The following ATF7IP variants were observed in gnomAD, a reference collection of about 807,000 sequenced individuals.
The protein encoded by ATF7IP is activating transcription factor 7-interacting protein 1.
A neutral mutation model predicts 106.4 loss-of-function variants in ATF7IP; 23 were observed. The observed-to-expected ratio is 0.22, with a 90% CI of 0.16 to 0.31. ATF7IP has a LOEUF of 0.31. Ranked by LOEUF, ATF7IP falls within the 10% of genes least tolerant of loss-of-function variation. ATF7IP has a pLI of 1.00. For missense variants in ATF7IP, 1,334 were observed against 1,524.3 expected (o/e 0.88, Z 2.08); for synonymous variants, 542 against 539.0 (o/e 1.01, Z -0.08).
rs1945127190 is a variant in ATF7IP, at chr12:14,500,271, T to TCAG, written c.*2199_*2201dup. The TCAG allele has an allele frequency of 1.3e-5, 2 of 152,228 alleles. No individual in the cohort carries two copies. Among genetic ancestry groups the TCAG allele is most frequent in the Non-Finnish European group, 2.9e-5 (2 of 68,038 alleles). 9.4% of individuals were successfully genotyped at this position (152,228 alleles called of 1,614,324 possible). On this transcript the variant is annotated 3_prime_UTR_variant, in exon 15 of 15. Transcript: ENST00000261168. Reference sequence around the variant, plus strand: ...AAACTCTTTAGAGACTTTTGACTGGTCAGTATACTGAGGTGTGAGATTTGA... The same window carrying TCAG: ...AAACTCTTTAGAGACTTTTGACTGGTCAGCAGTATACTGAGGTGTGAGATTTGA...
chr12:14,383,023 A>G (rs948552395), intron 1 of ATF7IP, among the ~76,000 whole-genome samples: 4 of 152,350 alleles, frequency 2.6e-5, no homozygotes, highest in African/African-American at 9.6e-5. Flanking sequence ...TATCTGAATA[A>G]CAGCCTAATT....
chr12:14,425,541 CATA>C, intron 2 of ATF7IP, 68 bp downstream of exon 2: 3 of 1,381,880 alleles, frequency 2.2e-6, no homozygotes, highest in East Asian at 2.4e-5. Flanking sequence ...AAAACATTAT[CATA>C]ATGTTTTAAA....
chr12:14,476,411 C>CAAA (rs10603374), intron 11 of ATF7IP: 1 of 65,080 alleles, frequency 1.5e-5, no homozygotes, highest in African/African-American at 6.0e-5. Flanking sequence ...GGCCCTGTCT[C>CAAA]AAAAAAAAAA....
chr12:14,444,510 A>C (rs577322382), intron 5 of ATF7IP, among the ~76,000 whole-genome samples: 1 of 152,296 alleles, frequency 6.6e-6, no homozygotes, highest in East Asian at 1.9e-4. Context: ...AGTTACAAAA[A>C]TGACTTGTTT....
chr12:14,473,288 C>CTGTG lies in ATF7IP; in HGVS notation c.2863-2601_2863-2600insGTGT, dbSNP rs796814505. Among the ~76,000 whole-genome samples the CTGTG allele has an allele frequency of 9.0e-3, 1,268 of 140,258 alleles. 14 individuals are homozygous for CTGTG. The highest frequency in any genetic ancestry group is 0.025 in the African/African-American group (956 of 38,022). 92.0% of individuals were successfully genotyped at this position (140,258 alleles called of 152,430 possible). A position where few individuals can be genotyped will look rare whatever the true frequency, so the allele number is the denominator to read the frequency against. On this transcript the variant is annotated intron_variant, in intron 10 of 14. Transcript: ENST00000261168. ...GCTTTTTAGCGCGCTCTCTCTCTCT[C>CTGTG]TCTGTGTGTGTGTGTGTGTGTGTGT...
At chr12:14,426,838 AAAAAAAAAAAAAG>A (rs2136564889) in intron 2 of ATF7IP, among the ~76,000 whole-genome samples, 1 of 144,470 alleles carries the variant, frequency 6.9e-6, no homozygotes, top group African/African-American at 2.6e-5. Context: ...AAAAAAAAAA[AAAAAAAAAAAAAG>A]GATGGCTTTT....
chr12:14,366,802 T>G (rs193222321), intron 1 of ATF7IP, among the ~76,000 whole-genome samples: 108 of 152,278 alleles, frequency 7.1e-4, no homozygotes, highest in African/African-American at 2.5e-3. Flanking sequence ...TCCATTACCC[T>G]GAGGCCTCTT....
chr12:14,437,929 T>G (rs111354886), intron 4 of ATF7IP, among the ~76,000 whole-genome samples: 304 of 151,560 alleles, frequency 2.0e-3, no homozygotes, highest in African/African-American at 6.6e-3. Flanking sequence ...GGCGGGCGCC[T>G]GTAGTCCCAG....
At chr12:14,416,702 G>A (rs1288865721) in intron 1 of ATF7IP, among the ~76,000 whole-genome samples, 1 of 152,040 alleles carries the variant, frequency 6.6e-6, no homozygotes, top group African/African-American at 2.4e-5. Flanking sequence ...CCATTTCATT[G>A]TTCACCTTGA....
chr12:14,447,143 T>C, intron 6 of ATF7IP, 90 bp downstream of exon 6: 2 of 1,095,746 alleles, frequency 1.8e-6, no homozygotes, highest in Non-Finnish European at 1.3e-6. Context: ...GTATTACAAA[T>C]CTGAAATTTG....
chr12:14,459,394 A>G (rs1184462471), intron 8 of ATF7IP, among the ~76,000 whole-genome samples: 1 of 152,210 alleles, frequency 6.6e-6, no homozygotes, highest in Non-Finnish European at 1.5e-5. Flanking sequence ...TTGAGATATA[A>G]TAAAGTTAAT....
chr12:14,482,971 C>T (rs1196961150), intron 13 of ATF7IP, among the ~76,000 whole-genome samples: 4 of 152,134 alleles, frequency 2.6e-5, no homozygotes, highest in Non-Finnish European at 4.4e-5. Flanking sequence ...TCTTATGTTA[C>T]GTGATGAAGG....
chr12:14,431,637 GC>G (rs1381618899), intron 2 of ATF7IP, among the ~76,000 whole-genome samples: 2 of 151,896 alleles, frequency 1.3e-5, no homozygotes, highest in Non-Finnish European at 2.9e-5. Context: ...CTTGTGATCC[GC>G]CCGCCTCGGC....
In ATF7IP at chr12:14,457,504, C is replaced by G. The variant is rs373418718; in HGVS notation, c.2158+209C>G. 5.3e-5 allele frequency among the ~76,000 whole-genome samples: 8 copies of G among 152,050 alleles called. No individual in the cohort carries two copies. In the East Asian group the frequency reaches 1.2e-3, roughly 22 times the overall value. Reference sequence around the variant, plus strand: ...ACTTAGGAGGCTGAGGAGGATTACCCAAACCCAGGAGTTCAAGTCAGCTTG... The same window carrying G: ...ACTTAGGAGGCTGAGGAGGATTACCGAAACCCAGGAGTTCAAGTCAGCTTG... On this transcript the variant is annotated intron_variant, in intron 8 of 14. Transcript: ENST00000261168.
At chr12:14,372,502 T>C (rs1002070597) in intron 1 of ATF7IP, among the ~76,000 whole-genome samples, 16 of 151,804 alleles carry the variant, frequency 1.1e-4, no homozygotes, top group African/African-American at 3.6e-4. Context: ...GGAACAGTTA[T>C]ACCTTCCTGA....
At chr12:14,378,701 G>C (rs1209440963) in intron 1 of ATF7IP, among the ~76,000 whole-genome samples, 1 of 152,018 alleles carries the variant, frequency 6.6e-6, no homozygotes, top group Admixed American at 6.6e-5. Context: ...GAATTGACTG[G>C]TTTGTACAAC....
chr12:14,448,587 G>C (rs1222748562), intron 6 of ATF7IP, among the ~76,000 whole-genome samples: 2 of 152,014 alleles, frequency 1.3e-5, no homozygotes, highest in East Asian at 3.9e-4. Context: ...ATTATCTTTG[G>C]GCTATTTTGA....
intron 6 of ATF7IP, among the ~76,000 whole-genome samples, chr12:14,455,147 T>A (rs1591900631): frequency 6.8e-6 from 1 of 147,174 alleles, no homozygotes; most frequent in Non-Finnish European, 1.5e-5. Context: ...CGCAGGATGG[T>A]GCACTCCAGC....
chr12:14,456,513 C>T, intron 6 of ATF7IP, 48 bp from the exon 7 acceptor site: 2 of 1,352,124 alleles, frequency 1.5e-6, no homozygotes, highest in Non-Finnish European at 2.1e-6. Flanking sequence ...TTAAAGATTC[C>T]CTGTGTGTTG....
Sources: gnomAD v4.1 joint callset for allele counts (sites outside exome capture counted in the v4.1 genomes callset) on GRCh38, gnomAD v4.1.1 for gene constraint, MANE v1.5 for transcripts, NCBI Gene and HGNC (gene_info 2026-07-23, HGNC 2026-07-21) for gene names.